The following CD1E variants were observed in gnomAD, a reference collection of about 807,000 sequenced individuals.
CD1E encodes T-cell surface glycoprotein CD1e, membrane-associated.
Under a neutral mutation model 40.1 loss-of-function variants are expected in CD1E, and 49 were observed. The ratio of observed to expected loss-of-function variants is 1.22; its 90% CI spans 0.97 to 1.55. The LOEUF (loss-of-function observed/expected upper bound fraction) is 1.55. Ranked by LOEUF, CD1E falls within the 40% of genes most tolerant of loss-of-function variation. CD1E has a pLI of 0.00. For synonymous variants in CD1E, 189 were observed against 178.3 expected, an observed-to-expected ratio of 1.06 and a Z score of -0.48; for missense variants, 492 against 471.3, an observed-to-expected ratio of 1.04 and a Z score of -0.41.
intron 2 of CD1E, 45 bp downstream of exon 2, chr1:158,354,718 C>A (rs985902536): frequency 2.6e-6 from 4 of 1,533,538 alleles, no homozygotes; most frequent in South Asian, 1.2e-5. Context: ...GGAACACCAA[C>A]TATTTTCCAA....
Position 158,353,923 on chromosome 1 carries a change from G to C in CD1E, c.-66G>C. The C allele has an allele frequency of 1.6e-6, 2 of 1,255,320 alleles. No individual in the cohort carries two copies. Among genetic ancestry groups the C allele is most frequent in the South Asian group, 1.2e-5 (1 of 83,432 alleles). The allele number at this position is 1,255,320 out of a possible 1,614,324, so 77.8% of individuals were successfully genotyped here. On this transcript the variant is annotated 5_prime_UTR_variant, in exon 1 of 6. Coordinates refer to ENST00000368167, the MANE Select transcript of CD1E (RefSeq NM_030893.4). ...GAGAGTGCAAGAGGGTGTGGAGAGG[G>C]GTACTGATATCTGAATTATTAGGGC...
At position 158,355,407 on chromosome 1, in the gene CD1E, T is replaced by A. The variant is rs932287025; in HGVS notation, c.463T>A (p.Trp155Arg). 6.2e-7 allele frequency: 1 copy of A among 1,614,176 alleles called. No individual in the cohort carries two copies. Residue 155 changes from tryptophan (W) to arginine (R), a missense_variant, in exon 3 of 6, where the codon TGG becomes AGG. Physicochemically the swap from Trp to Arg is moderately radical, Grantham distance 101. Transcript: ENST00000368167. ...TTTCCTGAGTTTCCAAGGAATTTCCTGGGAGCCATCTCCAGGAGCAGGGAT... is the reference window on the plus strand; with the variant it reads ...TTTCCTGAGTTTCCAAGGAATTTCCAGGGAGCCATCTCCAGGAGCAGGGAT... ...SDFLSFQGIS[W>R]EPSPGAGIRA... is the part of the protein sequence containing the mutation.
intron 4 of CD1E, 187 bp downstream of exon 4, chr1:158,356,292 C>A: frequency 1.2e-6 from 1 of 803,190 alleles, no homozygotes; most frequent in Non-Finnish European, 1.9e-6. Context: ...ATTAGACATA[C>A]TAACAGAAAA....
Position 158,356,998 on chromosome 1 carries a change from CAA to C in CD1E, c.*104_*105del, listed in dbSNP as rs1653791005. 2.1e-6 allele frequency: 2 copies of C among 944,468 alleles called. No homozygotes were observed. Among genetic ancestry groups the C allele is most frequent in the Non-Finnish European group, 1.6e-6 (1 of 611,966 alleles). 58.5% of individuals were successfully genotyped at this position (944,468 alleles called of 1,614,324 possible). On this transcript the variant is annotated 3_prime_UTR_variant, in exon 6 of 6. Transcript: ENST00000368167. ...CTTTTATTTAAACAGTTTATACTAGCAAAGATACTGACCCCTTTAGGAATACT... is the reference window on the plus strand; with the variant it reads ...CTTTTATTTAAACAGTTTATACTAGCAGATACTGACCCCTTTAGGAATACT...
chr1:158,357,019 G>T lies in CD1E; in HGVS notation c.*123G>T. Reference sequence around the variant, plus strand: ...CTAGCAAAGATACTGACCCCTTTAGGAATACTTTTTCCCCATCTTCCAGAG... The same window carrying T: ...CTAGCAAAGATACTGACCCCTTTAGTAATACTTTTTCCCCATCTTCCAGAG... On this transcript the variant is annotated 3_prime_UTR_variant, in exon 6 of 6. Coordinates refer to ENST00000368167, the MANE Select transcript of CD1E (RefSeq NM_030893.4). 8.2e-6 allele frequency: 6 copies of T among 730,896 alleles called. No individual in the cohort carries two copies. Among genetic ancestry groups the T allele is most frequent in the South Asian group, 2.3e-5 (1 of 44,096 alleles). The allele number at this position is 730,896 out of a possible 1,614,324, so 45.3% of individuals were successfully genotyped here.
chr1:158,356,223 C>CA (rs1485753578), intron 4 of CD1E, 118 bp downstream of exon 4: 1 of 1,195,016 alleles, frequency 8.4e-7, no homozygotes, highest in African/African-American at 1.5e-5. Flanking sequence ...CTGGGACAAT[C>CA]AAAATAAAGA....
At chr1:158,355,635 C>T (rs1653537117) in intron 3 of CD1E, 66 bp downstream of exon 3, 1 of 1,529,186 alleles carries the variant, frequency 6.5e-7, no homozygotes, top group African/African-American at 1.4e-5. Flanking sequence ...GAATTTGCCT[C>T]TCATCATCAT....
At chr1:158,355,780 G>C in intron 3 of CD1E, 47 bp from the exon 4 acceptor site, 1 of 1,562,958 alleles carries the variant, frequency 6.4e-7, no homozygotes, top group Non-Finnish European at 8.7e-7. Flanking sequence ...GCTCTGGCCT[G>C]GGGTGCCCTT....
In CD1E at chr1:158,356,545, A is replaced by T. The variant is rs35079671; in HGVS notation, c.952A>T (p.Thr318Ser). The change falls in exon 5 of 6, where the codon ACC becomes TCC. Residue 318 changes from threonine (T) to serine (S), a missense_variant. Coordinates refer to ENST00000368167, the MANE Select transcript of CD1E (RefSeq NM_030893.4). The stretch of plus-strand genomic sequence containing the variant: ...CCTGATCTGTTTGACTGTGATAGTT[A>T]CCCTGGTCATATTGGTTGTAGTTGA... ...LILICLTVIV[T>S]LVILVVVDSR... The T allele has an allele frequency of 2.0e-3, 3,230 of 1,613,822 alleles. 64 individuals carry two copies. In the African/African-American group the frequency reaches 0.037, roughly 19 times the overall value.
Position 158,354,406 on chromosome 1 carries a change from G to A in CD1E, c.88G>A (p.Ala30Thr). The A allele has an allele frequency of 1.9e-6, 3 of 1,612,148 alleles. No individual in the cohort carries two copies. The highest frequency in any genetic ancestry group is 1.7e-4 in the Middle Eastern group (1 of 6,050). Residue 30 changes from alanine (A) to threonine (T), a missense_variant, in exon 2 of 6, where the codon GCA (alanine) becomes ACA (threonine). Coordinates refer to ENST00000368167, the MANE Select transcript of CD1E (RefSeq NM_030893.4). ...CCAGGCTCTACAATCCTATCATCTA[G>A]CAGCAGAGGAGCAGCTGTCCTTCCG... ...APQALQSYHLAAEEQLSFRML... is the reference protein window; with the variant it reads ...APQALQSYHLTAEEQLSFRML...
At position 158,356,069 on chromosome 1, in the gene CD1E, A is replaced by G. The variant is rs1220001835; in HGVS notation, c.868A>G (p.Ser290Gly). The stretch of plus-strand genomic sequence containing the variant: ...TGGCCTGTCCTGTCGGGTGAAACAC[A>G]GCAGTCTAGGGGGCCATGATCTAAT... ...AAGLSCRVKH[S>G]SLGGHDLIIH... is the part of the protein sequence containing the mutation. The change falls in exon 4 of 6, where the codon AGC (serine) becomes GGC (glycine). Residue 290 changes from serine to glycine, a missense_variant. Transcript: ENST00000368167. 4.3e-6 allele frequency: 7 copies of G among 1,613,850 alleles called. No homozygotes were observed. Among genetic ancestry groups the G allele is most frequent in the Non-Finnish European group, 5.9e-6 (7 of 1,179,904 alleles).
chr1:158,356,148 C>T, intron 4 of CD1E, 43 bp downstream of exon 4: 11 of 1,605,314 alleles, frequency 6.9e-6, no homozygotes, highest in Non-Finnish European at 9.4e-6. Flanking sequence ...ATGAAAATAG[C>T]CCTGGGGCTT....
In CD1E at chr1:158,357,419, G is replaced by T. The variant is rs1173977342; in HGVS notation, c.*523G>T. The T allele has an allele frequency of 2.0e-5, 3 of 152,180 alleles. No individual in the cohort carries two copies. Among genetic ancestry groups the T allele is most frequent in the South Asian group, 2.1e-4 (1 of 4,836 alleles). The allele number at this position is 152,180 out of a possible 1,614,324, so 9.4% of individuals were successfully genotyped here. ...TTAATGCTCTGCTGTTGTCATCTTGGAATCCTTAGTCATTTTCAAACAAGA... is the reference window on the plus strand; with the variant it reads ...TTAATGCTCTGCTGTTGTCATCTTGTAATCCTTAGTCATTTTCAAACAAGA... On this transcript the variant is annotated 3_prime_UTR_variant, in exon 6 of 6. Transcript: ENST00000368167.
rs775144708 is a variant in CD1E, at chr1:158,355,350, A to G, written c.406A>G (p.Ile136Val). Residue 136 changes from isoleucine to valine, a missense_variant, in exon 3 of 6, where the codon ATC (isoleucine) becomes GTC (valine). Physicochemically the swap from Ile to Val is conservative, Grantham distance 29. Coordinates refer to ENST00000368167, the MANE Select transcript of CD1E (RefSeq NM_030893.4). ...LAGCRMNAPQIFLNMAYQGSD... is the reference protein window; with the variant it reads ...LAGCRMNAPQVFLNMAYQGSD... ...TGGCTGTAGAATGAATGCCCCACAAATCTTCTTAAATATGGCATATCAAGG... is the reference window on the plus strand; with the variant it reads ...TGGCTGTAGAATGAATGCCCCACAAGTCTTCTTAAATATGGCATATCAAGG... 1 of 1,614,020 alleles carries G rather than the reference A, an allele frequency of 6.2e-7. No homozygotes were observed.
chr1:158,356,058 G>T lies in CD1E; in HGVS notation c.857G>T (p.Arg286Leu). 1.2e-6 allele frequency: 2 copies of T among 1,613,974 alleles called. No individual in the cohort carries two copies. Among genetic ancestry groups the T allele is most frequent in the Admixed American group, 1.7e-5 (1 of 60,014 alleles). Residue 286 changes from arginine to leucine, a missense_variant, in exon 4 of 6, where the codon CGG becomes CTG. Arg to Leu is a moderately radical substitution (Grantham distance 102). Transcript: ENST00000368167. ...GGGGAGGCAGCTGGCCTGTCCTGTC[G>T]GGTGAAACACAGCAGTCTAGGGGGC... ...AAGEAAGLSC[R>L]VKHSSLGGHD...
rs1282809754 is a variant in CD1E at position 158,356,006 on chromosome 1, C to G, written c.805C>G (p.Leu269Val). Residue 269 changes from leucine to valine, a missense_variant, in exon 4 of 6, where the codon CTC becomes GTC. By Grantham distance (32) the Leu-to-Val change is conservative. Coordinates refer to ENST00000368167, the MANE Select transcript of CD1E (RefSeq NM_030893.4). ...VLPNADETWYLRATLDVAAGE... is the reference protein window; with the variant it reads ...VLPNADETWYVRATLDVAAGE... Reference sequence around the variant, plus strand: ...GCCTAATGCTGACGAGACATGGTATCTCCGAGCAACCCTGGATGTGGCGGC... The same window carrying G: ...GCCTAATGCTGACGAGACATGGTATGTCCGAGCAACCCTGGATGTGGCGGC... The G allele has an allele frequency of 1.2e-6, 2 of 1,614,164 alleles. No homozygotes were observed. The highest frequency in any genetic ancestry group is 1.7e-6 in the Non-Finnish European group (2 of 1,180,036).
chr1:158,356,657 C>CTTTT (rs35184522), intron 5 of CD1E, 66 bp downstream of exon 5: 4 of 1,317,348 alleles, frequency 3.0e-6, no homozygotes, highest in Admixed American at 2.2e-5. Context: ...CCTCTATCTT[C>CTTTT]TTTTTTTTTT....
At position 158,356,444 on chromosome 1, in the gene CD1E, G is replaced by T. The variant is rs957691374; in HGVS notation, c.905-54G>T. Reference sequence around the variant, plus strand: ...CACCCTTGTGAAATGGGAAATCTCAGCTTGGTGGAATAGAGTATTTTAGGG... The same window carrying T: ...CACCCTTGTGAAATGGGAAATCTCATCTTGGTGGAATAGAGTATTTTAGGG... On this transcript the variant is annotated intron_variant, in intron 4 of 5. Transcript: ENST00000368167. 4 of 1,379,726 alleles carry T rather than the reference G, an allele frequency of 2.9e-6. No individual in the cohort carries two copies. The Middle Eastern group carries it at 5.4e-4, about 186-fold the overall frequency. 85.5% of individuals were successfully genotyped at this position (1,379,726 alleles called of 1,614,324 possible).
At chr1:158,355,634 T>C in intron 3 of CD1E, 65 bp downstream of exon 3, 1 of 1,530,588 alleles carries the variant, frequency 6.5e-7, no homozygotes, top group Non-Finnish European at 8.8e-7. Flanking sequence ...TGAATTTGCC[T>C]CTCATCATCA....
Sources: gnomAD v4.1 joint callset for allele counts on GRCh38, gnomAD v4.1.1 for gene constraint, MANE v1.5 for transcripts, NCBI Gene and HGNC (gene_info 2026-07-23, HGNC 2026-07-21) for gene names.